C21orf58: variants seen among roughly 807,000 people sequenced by gnomAD.
The protein encoded by C21orf58 is uncharacterized protein C21orf58.
A neutral mutation model predicts 35.8 loss-of-function variants in C21orf58; 34 were observed. The observed-to-expected ratio is 0.95, with a 90% CI of 0.72 to 1.26. The LOEUF (loss-of-function observed/expected upper bound fraction) is 1.26, where lower values mean the gene tolerates loss of function less well. Ranked by LOEUF, C21orf58 falls within the 50% of genes most tolerant of loss-of-function variation. C21orf58 has a pLI of 0.00. For synonymous variants in C21orf58, 191 were observed against 175.8 expected, an observed-to-expected ratio of 1.09 and a Z score of -0.68; for missense variants, 440 against 414.3, an observed-to-expected ratio of 1.06 and a Z score of -0.54.
intron 6 of C21orf58, among the ~76,000 whole-genome samples, chr21:46,305,427 T>G (rs2145941850): frequency 6.7e-6 from 1 of 149,504 alleles, no homozygotes; most frequent in Non-Finnish European, 1.5e-5. Context: ...CCTCCTGGGC[T>G]CAAGGGATCC....
chr21:46,306,840 G>T (rs919153050), intron 6 of C21orf58, among the ~76,000 whole-genome samples: 3 of 151,340 alleles, frequency 2.0e-5, no homozygotes, highest in African/African-American at 7.3e-5. Context: ...CTCCCACCTC[G>T]GCCTCCCAAA....
Position 46,302,170 on chromosome 21 carries a change from C to A in C21orf58, c.814-16G>T. 6.8e-7 allele frequency: 1 copy of A among 1,465,404 alleles called. No homozygotes were observed. The allele number at this position is 1,465,404 out of a possible 1,614,324, so 90.8% of individuals were successfully genotyped here. ...GTGGCGGGTCCTGCCACAGACGCAC[C>A]TGCTGCTTAGGACGCAGCCCAGGCT... On this transcript the variant is annotated splice_polypyrimidine_tract_variant and intron_variant, in intron 7 of 7. Transcript: ENST00000291691.
downstream of C21orf58, chr21:46,300,509 C>A: frequency 2.9e-6 from 1 of 344,840 alleles, no homozygotes; most frequent in Non-Finnish European, 4.5e-6. Context: ...GGAGTCTGAG[C>A]TTTGGTTTGA....
At chr21:46,300,624 G>A (rs1415440207), downstream of C21orf58, 13 of 1,207,724 alleles carry the variant, frequency 1.1e-5, no homozygotes, top group Admixed American at 3.3e-5. Flanking sequence ...TGGGCCCTTC[G>A]GTGTTCACAC....
chr21:46,320,184 C>T (rs2083107989), intron 1 of C21orf58, among the ~76,000 whole-genome samples: 1 of 151,770 alleles, frequency 6.6e-6, no homozygotes, highest in Non-Finnish European at 1.5e-5. Flanking sequence ...CTCACTGCAA[C>T]CTCCGCCTCC....
intron 5 of C21orf58, 125 bp downstream of exon 5, chr21:46,314,591 G>T: frequency 1.3e-6 from 1 of 742,794 alleles, no homozygotes; most frequent in South Asian, 2.0e-5. Context: ...TCAAGGGTGG[G>T]CCTTGGGAGG....
Position 46,322,848 on chromosome 21 carries a change from G to T in C21orf58, c.-110C>A. 1.4e-6 allele frequency: 1 copy of T among 709,376 alleles called. No homozygotes were observed. Among genetic ancestry groups the T allele is most frequent in the Non-Finnish European group, 2.1e-6 (1 of 466,904 alleles). The allele number at this position is 709,376 out of a possible 1,614,324, so 43.9% of individuals were successfully genotyped here. A position where few individuals can be genotyped will look rare whatever the true frequency, so the allele number is the denominator to read the frequency against. ...GCGTTTAAGTTGCAGTTGCTGAGGA[G>T]GCTGCAAGGTGAGCTTGCGTCAGCG... On this transcript the variant is annotated 5_prime_UTR_variant, in exon 1 of 8. Coordinates refer to ENST00000291691, the MANE Select transcript of C21orf58 (RefSeq NM_058180.5).
At chr21:46,315,584 G>A (rs372981482) in intron 3 of C21orf58, 37 bp from the exon 4 acceptor site, 248 of 1,397,874 alleles carry the variant, frequency 1.8e-4, no homozygotes, top group Admixed American at 4.0e-4. Flanking sequence ...CAAGGAACGC[G>A]TAGAGGCTGT....
At chr21:46,300,760 C>T, downstream of C21orf58, 1 of 1,289,436 alleles carries the variant, frequency 7.8e-7, no homozygotes, top group Non-Finnish European at 1.0e-6. Flanking sequence ...CAGGGTTCCT[C>T]CTTGTGCGGA....
At chr21:46,305,773 A>C (rs1387849253) in intron 6 of C21orf58, among the ~76,000 whole-genome samples, 1 of 151,744 alleles carries the variant, frequency 6.6e-6, no homozygotes, top group Non-Finnish European at 1.5e-5. Context: ...CCCCGTCTCT[A>C]CTAAAAATAC....
intron 6 of C21orf58, among the ~76,000 whole-genome samples, chr21:46,303,756 T>TTA (rs1569116964): frequency 2.3e-4 from 19 of 82,706 alleles, no homozygotes; most frequent in Non-Finnish European, 4.1e-4. Context: ...TTTTTTTTTT[T>TTA]TTTTTTTTTT....
At chr21:46,318,851 C>CA in intron 1 of C21orf58, 12 of 987,588 alleles carry the variant, frequency 1.2e-5, no homozygotes, top group Non-Finnish European at 1.4e-5. Context: ...TGACGCAAAA[C>CA]AGGAGCGTGG....
In C21orf58 at chr21:46,301,711, G is replaced by C; in HGVS notation, c.*288C>G. The stretch of plus-strand genomic sequence containing the variant: ...TGAGGCTCCCAGGTGGGCCGGCGCC[G>C]CCCTACAGGAAAGGAGGGGTCCCTG... On this transcript the variant is annotated 3_prime_UTR_variant, in exon 8 of 8. Transcript: ENST00000291691. 8.5e-7 allele frequency: 1 copy of C among 1,181,848 alleles called. No individual in the cohort carries two copies. The highest frequency in any genetic ancestry group is 1.0e-6 in the Non-Finnish European group (1 of 956,082). The allele number at this position is 1,181,848 out of a possible 1,614,324, so 73.2% of individuals were successfully genotyped here.
chr21:46,316,044 G>A (rs1192132892), intron 3 of C21orf58, among the ~76,000 whole-genome samples: 1 of 152,084 alleles, frequency 6.6e-6, no homozygotes, highest in African/African-American at 2.4e-5. Flanking sequence ...TCAACAGTGG[G>A]AGGTTGCACT....
In C21orf58 at chr21:46,301,722, A is replaced by C; in HGVS notation, c.*277T>G. ...GGTGGGCCGGCGCCGCCCTACAGGA[A>C]AGGAGGGGTCCCTGGGAGGGGCTGT... is the stretch of plus-strand genomic sequence containing the variant. On this transcript the variant is annotated 3_prime_UTR_variant, in exon 8 of 8. Coordinates refer to ENST00000291691, the MANE Select transcript of C21orf58 (RefSeq NM_058180.5). The C allele has an allele frequency of 8.4e-7, 1 of 1,195,646 alleles. No homozygotes were observed. The highest frequency in any genetic ancestry group is 1.0e-6 in the Non-Finnish European group (1 of 965,084). 74.1% of individuals were successfully genotyped at this position (1,195,646 alleles called of 1,614,324 possible). A position where few individuals can be genotyped will look rare whatever the true frequency, so the allele number is the denominator to read the frequency against.
At chr21:46,305,589 C>T (rs113637661) in intron 6 of C21orf58, among the ~76,000 whole-genome samples, 1 of 152,068 alleles carries the variant, frequency 6.6e-6, no homozygotes, top group African/African-American at 2.4e-5. Context: ...ATCAGTCTCC[C>T]AAAGTGCTGG....
At chr21:46,312,833 C>A (rs2082800464) in intron 5 of C21orf58, among the ~76,000 whole-genome samples, 1 of 152,206 alleles carries the variant, frequency 6.6e-6, no homozygotes, top group Non-Finnish European at 1.5e-5. Context: ...GTCCCAGTGA[C>A]CTCTCTATCC....
chr21:46,300,593 T>C, downstream of C21orf58: 1 of 1,133,718 alleles, frequency 8.8e-7, no homozygotes, highest in South Asian at 1.8e-5. Flanking sequence ...GAGAAGTGAG[T>C]GTTACTGCCA....
In C21orf58 at chr21:46,318,155, ACTG is replaced by A; in HGVS notation, c.163_165del (p.Gln55del). 6.2e-7 allele frequency: 1 copy of A among 1,613,078 alleles called. No homozygotes were observed. The highest frequency in any genetic ancestry group is 8.5e-7 in the Non-Finnish European group (1 of 1,180,012). ...CTGGTTCTGTTACTCGCAGGAAAGA[ACTG>A]CTCAGCAGGAGCCCAAGCACCGGTG... On this transcript the variant is annotated inframe_deletion, in exon 2 of 8. Coordinates refer to ENST00000291691, the MANE Select transcript of C21orf58 (RefSeq NM_058180.5).
Sources: gnomAD v4.1 joint callset for allele counts (sites outside exome capture counted in the v4.1 genomes callset) on GRCh38, gnomAD v4.1.1 for gene constraint, MANE v1.5 for transcripts, NCBI Gene and HGNC (gene_info 2026-07-23, HGNC 2026-07-21) for gene names.